The following KLHL1 variants were observed in gnomAD, a reference collection of about 807,000 sequenced individuals.
The protein encoded by KLHL1 is kelch-like protein 1.
In KLHL1, 47 loss-of-function variants were observed where a neutral mutation model predicts 77.7. The ratio of observed to expected loss-of-function variants is 0.60; its 90% CI spans 0.48 to 0.77. KLHL1 has a LOEUF of 0.77. KLHL1 is among the 30% of genes least tolerant of loss of function. The pLI is 0.00. For missense variants in KLHL1, 925 were observed against 910.8 expected (o/e 1.02, Z -0.20); for synonymous variants, 360 against 325.2 (o/e 1.11, Z -1.15).
intron 9 of KLHL1, among the ~76,000 whole-genome samples, chr13:69,711,409 C>T (rs1875872174): frequency 6.6e-6 from 1 of 152,020 alleles, no homozygotes; most frequent in Non-Finnish European, 1.5e-5. Flanking sequence ...ATTTCAAGTA[C>T]ATTAATCACA....
Position 69,923,017 on chromosome 13 carries a change from G to T in KLHL1, c.1014+17023C>A, listed in dbSNP as rs532855502. On this transcript the variant is annotated intron_variant, in intron 4 of 10. Coordinates refer to ENST00000377844, the MANE Select transcript of KLHL1 (RefSeq NM_020866.3). ...AATATTACATAATGAATTATTTAAA[G>T]AATTAGGTGGGAGGAGACAGAAGAT... 2.0e-5 allele frequency among the ~76,000 whole-genome samples: 3 copies of T among 152,188 alleles called. No homozygotes were observed. In the South Asian group the frequency reaches 6.2e-4, roughly 32 times the overall value.
In KLHL1 at chr13:70,045,346, C is replaced by G. The variant is rs564413324; in HGVS notation, c.497+61857G>C. Among the ~76,000 whole-genome samples, 8 of 152,160 alleles carry G rather than the reference C, an allele frequency of 5.3e-5. No homozygotes were observed. In the South Asian group the frequency reaches 1.7e-3, roughly 32 times the overall value. On this transcript the variant is annotated intron_variant, in intron 1 of 10. Coordinates refer to ENST00000377844, the MANE Select transcript of KLHL1 (RefSeq NM_020866.3). Reference sequence around the variant, plus strand: ...TGCTGTACAGTTTCTCAATTGCAAGCATACTCATCATTTAGCAAACAGATT... The same window carrying G: ...TGCTGTACAGTTTCTCAATTGCAAGGATACTCATCATTTAGCAAACAGATT...
chr13:70,024,618 A>ATTTCTCTCTCTCTCTTTCTCTC (rs1566508714), intron 1 of KLHL1, among the ~76,000 whole-genome samples: 17 of 62,664 alleles, frequency 2.7e-4, no homozygotes, highest in African/African-American at 6.9e-4. Flanking sequence ...AGGAGAAAAG[A>ATTTCTCTCTCTCTCTTTCTCTC]TTTCTCTCTC....
intron 4 of KLHL1, among the ~76,000 whole-genome samples, chr13:69,887,692 C>T (rs1453439916): frequency 6.6e-6 from 1 of 152,146 alleles, no homozygotes. Context: ...ACCCATTCCT[C>T]ATTTCAGTCT....
chr13:69,910,036 T>A (rs142225654), intron 4 of KLHL1, among the ~76,000 whole-genome samples: 3 of 152,058 alleles, frequency 2.0e-5, no homozygotes, highest in African/African-American at 7.2e-5. Context: ...TCCACTTCGC[T>A]ATCATCATCT....
intron 1 of KLHL1, among the ~76,000 whole-genome samples, chr13:70,034,870 C>T (rs1230309720): frequency 6.6e-6 from 1 of 152,070 alleles, no homozygotes; most frequent in African/African-American, 2.4e-5. Flanking sequence ...TCAATAGTTA[C>T]ATCTCTAATG....
chr13:69,944,688 G>T (rs2137244625), intron 3 of KLHL1, among the ~76,000 whole-genome samples: 1 of 152,202 alleles, frequency 6.6e-6, no homozygotes, highest in South Asian at 2.1e-4. Flanking sequence ...AATCCCAGTA[G>T]ACTTTCTGTG....
At chr13:70,064,485 G>C (rs1013863130) in intron 1 of KLHL1, among the ~76,000 whole-genome samples, 3 of 152,124 alleles carry the variant, frequency 2.0e-5, no homozygotes, top group African/African-American at 7.2e-5. Context: ...TTACAGAGTT[G>C]TTATAACTTG....
chr13:69,983,134 A>G (rs1465632097), intron 1 of KLHL1, among the ~76,000 whole-genome samples: 1 of 152,184 alleles, frequency 6.6e-6, no homozygotes, highest in Non-Finnish European at 1.5e-5. Context: ...AAATATAAAG[A>G]TAGTACAGAG....
intron 1 of KLHL1, among the ~76,000 whole-genome samples, chr13:70,081,922 C>T (rs1329328785): frequency 6.6e-6 from 1 of 152,166 alleles, no homozygotes; most frequent in East Asian, 1.9e-4. Context: ...CTCACTAAAT[C>T]TCATGTAGAA....
At chr13:69,889,684 G>T (rs949909180) in intron 4 of KLHL1, among the ~76,000 whole-genome samples, 2 of 152,136 alleles carry the variant, frequency 1.3e-5, no homozygotes, top group Middle Eastern at 3.4e-3. Flanking sequence ...AGTTGGACAG[G>T]ATTTAGATGT....
At chr13:69,996,910 ATTTTTTTTTTTTTTTT>A (rs10549532) in intron 1 of KLHL1, among the ~76,000 whole-genome samples, 5 of 71,236 alleles carry the variant, frequency 7.0e-5, no homozygotes, top group African/African-American at 2.8e-4. Context: ...TATTCATTAA[ATTTTTTTTTTTTTTTT>A]TTTTTTTTTT....
chr13:70,033,083 CT>C (rs1886146138), intron 1 of KLHL1, among the ~76,000 whole-genome samples: 1 of 152,106 alleles, frequency 6.6e-6, no homozygotes, highest in African/African-American at 2.4e-5. Context: ...TCTTAATTAT[CT>C]TTTTCCCCCT....
intron 1 of KLHL1, among the ~76,000 whole-genome samples, chr13:70,092,347 T>C (rs1384313944): frequency 6.6e-6 from 1 of 152,194 alleles, no homozygotes; most frequent in Non-Finnish European, 1.5e-5. Flanking sequence ...TCTACCTATA[T>C]GACTTTGTTC....
At chr13:69,912,570 A>G (rs1043763307) in intron 4 of KLHL1, among the ~76,000 whole-genome samples, 1 of 152,092 alleles carries the variant, frequency 6.6e-6, no homozygotes, top group East Asian at 1.9e-4. Flanking sequence ...TTTTTTTATT[A>G]AAAGATTCCT....
At chr13:70,074,285 C>A (rs1357865262) in intron 1 of KLHL1, among the ~76,000 whole-genome samples, 3 of 152,152 alleles carry the variant, frequency 2.0e-5, no homozygotes, top group Non-Finnish European at 2.9e-5. Context: ...CTCTCGGCAT[C>A]ACTACAGTTG....
At chr13:69,912,517 T>C (rs1419493190) in intron 4 of KLHL1, among the ~76,000 whole-genome samples, 4 of 152,204 alleles carry the variant, frequency 2.6e-5, no homozygotes, top group Admixed American at 2.6e-4. Context: ...GAAGCAATCA[T>C]TTTACAGCAC....
At position 69,885,741 on chromosome 13, in the gene KLHL1, C is replaced by A. The variant is rs180806792; in HGVS notation, c.1015-3246G>T. Among the ~76,000 whole-genome samples the A allele has an allele frequency of 2.6e-3, 394 of 152,188 alleles. 4 individuals carry two copies. Among genetic ancestry groups the A allele is most frequent in the African/African-American group, 8.7e-3 (363 of 41,532 alleles). ...ACCATTCAGCATAGGTTTATCAAAA[C>A]CCTGATATATGGCCCTGATAATCAT... is the stretch of plus-strand genomic sequence containing the variant. On this transcript the variant is annotated intron_variant, in intron 4 of 10. Coordinates refer to ENST00000377844, the MANE Select transcript of KLHL1 (RefSeq NM_020866.3).
chr13:69,915,274 T>C (rs1038063848), intron 4 of KLHL1, among the ~76,000 whole-genome samples: 13 of 152,228 alleles, frequency 8.5e-5, no homozygotes, highest in Middle Eastern at 3.4e-3. Flanking sequence ...AAAAAGAGCC[T>C]GCATTGCCAA....
Sources: gnomAD v4.1 joint callset for allele counts (sites outside exome capture counted in the v4.1 genomes callset) on GRCh38, gnomAD v4.1.1 for gene constraint, MANE v1.5 for transcripts, NCBI Gene and HGNC (gene_info 2026-07-23, HGNC 2026-07-21) for gene names.